RAD51B: variants seen among roughly 807,000 people sequenced by gnomAD.
RAD51B encodes the protein DNA repair protein RAD51 homolog 2.
RAD51B carries 38 observed loss-of-function variants against 42.2 expected under a neutral mutation model. The observed-to-expected ratio is 0.90, with a 90% CI of 0.70 to 1.18. The LOEUF is 1.18. Among genes scored for constraint, RAD51B ranks in the 50% most tolerant of loss-of-function variants. RAD51B has a pLI of 0.00. For missense variants in RAD51B, 373 were observed against 400.7 expected, an observed-to-expected ratio of 0.93 and a Z score of 0.59; for synonymous variants, 154 against 145.2, an observed-to-expected ratio of 1.06 and a Z score of -0.43.
intron 10 of RAD51B, among the ~76,000 whole-genome samples, chr14:68,503,683 C>A (rs1447915122): frequency 6.6e-6 from 1 of 152,192 alleles, no homozygotes; most frequent in Non-Finnish European, 1.5e-5. Context: ...TGTTTCAGCC[C>A]TGCCCTGCCT....
In RAD51B at chr14:68,129,190, C is replaced by A. The variant is rs577630812; in HGVS notation, c.757-162694C>A. 9.7e-4 allele frequency among the ~76,000 whole-genome samples: 148 copies of A among 152,254 alleles called. 1 individual carries two copies. The highest frequency in any genetic ancestry group is 3.5e-3 in the African/African-American group (146 of 41,536). On this transcript the variant is annotated intron_variant, in intron 7 of 10. Coordinates refer to ENST00000471583, the MANE Select transcript of RAD51B (RefSeq NM_133510.4). Reference sequence around the variant, plus strand: ...TCCATAGTAGAGCCTAAACTAGAACCTAGGTCTCTTGGCTGCTTGTTCAAG... The same window carrying A: ...TCCATAGTAGAGCCTAAACTAGAACATAGGTCTCTTGGCTGCTTGTTCAAG...
At chr14:68,414,573 A>G (rs1359750402) in intron 9 of RAD51B, among the ~76,000 whole-genome samples, 1 of 152,140 alleles carries the variant, frequency 6.6e-6, no homozygotes, top group Non-Finnish European at 1.5e-5. Flanking sequence ...GGTCCAAACA[A>G]ACTAATACTG....
At chr14:68,483,372 A>G (rs1480069115) in intron 10 of RAD51B, among the ~76,000 whole-genome samples, 1 of 152,212 alleles carries the variant, frequency 6.6e-6, no homozygotes, top group Admixed American at 6.5e-5. Context: ...ACAGTTTTGC[A>G]GCCTATTTTA....
intron 8 of RAD51B, among the ~76,000 whole-genome samples, chr14:68,368,412 A>G (rs545078546): frequency 2.0e-5 from 3 of 152,266 alleles, no homozygotes; most frequent in Non-Finnish European, 4.4e-5. Context: ...AGAATATTTG[A>G]ATTCTCTTGT....
chr14:68,228,725 C>T (rs1041832910), intron 7 of RAD51B, among the ~76,000 whole-genome samples: 4 of 152,202 alleles, frequency 2.6e-5, no homozygotes, highest in East Asian at 1.9e-4. Flanking sequence ...TGTGGACACA[C>T]GTCAAATAAT....
At chr14:68,361,701 G>A (rs553151331) in intron 8 of RAD51B, among the ~76,000 whole-genome samples, 7 of 151,960 alleles carry the variant, frequency 4.6e-5, no homozygotes, top group Non-Finnish European at 8.8e-5. Context: ...TTTGAGACAG[G>A]GTCTCACTCT....
At chr14:67,983,922 G>T (rs917877510) in intron 7 of RAD51B, among the ~76,000 whole-genome samples, 1 of 151,626 alleles carries the variant, frequency 6.6e-6, no homozygotes, top group Non-Finnish European at 1.5e-5. Flanking sequence ...AATCAGACAG[G>T]GCTGGTTTTT....
chr14:68,510,952 G>A (rs1427955052), intron 10 of RAD51B, among the ~76,000 whole-genome samples: 2 of 152,188 alleles, frequency 1.3e-5, no homozygotes, highest in Admixed American at 6.5e-5. Context: ...CAAACTGGAA[G>A]GGACAGGACA....
At chr14:67,874,335 C>A (rs1015409617) in intron 5 of RAD51B, among the ~76,000 whole-genome samples, 3 of 152,172 alleles carry the variant, frequency 2.0e-5, no homozygotes, top group African/African-American at 7.2e-5. Context: ...GAACCCACAG[C>A]CCGTGGGCCG....
chr14:67,950,560 G>A (rs1034436667), intron 7 of RAD51B, among the ~76,000 whole-genome samples: 1 of 152,122 alleles, frequency 6.6e-6, no homozygotes, highest in Non-Finnish European at 1.5e-5. Context: ...CAATAAGACT[G>A]TTTTGCTTTG....
At chr14:68,639,158 G>A (rs1421488570) in intron 10 of RAD51B, among the ~76,000 whole-genome samples, 2 of 152,298 alleles carry the variant, frequency 1.3e-5, no homozygotes, top group Non-Finnish European at 1.5e-5. Flanking sequence ...TAGGTAAGGC[G>A]ATGCTAGCTG....
intron 7 of RAD51B, among the ~76,000 whole-genome samples, chr14:67,937,402 CT>C (rs2044994665): frequency 6.6e-6 from 1 of 152,158 alleles, no homozygotes; most frequent in African/African-American, 2.4e-5. Flanking sequence ...AGAGATATAG[CT>C]AGAAATAAAA....
At chr14:68,599,231 G>A (rs568662971), downstream of RAD51B, among the ~76,000 whole-genome samples, 1 of 152,328 alleles carries the variant, frequency 6.6e-6, no homozygotes, top group Admixed American at 6.5e-5. Context: ...AGGCTGAGGA[G>A]GAGGGAAAGG....
At chr14:68,542,618 C>T (rs1311639385) in intron 10 of RAD51B, among the ~76,000 whole-genome samples, 1 of 152,186 alleles carries the variant, frequency 6.6e-6, no homozygotes, top group Admixed American at 6.5e-5. Context: ...CAATTCATGA[C>T]ACATAACAAT....
At chr14:67,912,494 A>T (rs1376942426) in intron 7 of RAD51B, among the ~76,000 whole-genome samples, 1 of 152,184 alleles carries the variant, frequency 6.6e-6, no homozygotes, top group African/African-American at 2.4e-5. Context: ...TGGTGCTCCC[A>T]AAACTCATTC....
At chr14:68,498,572 G>C (rs1884707497) in intron 10 of RAD51B, among the ~76,000 whole-genome samples, 1 of 152,142 alleles carries the variant, frequency 6.6e-6, no homozygotes, top group Non-Finnish European at 1.5e-5. Context: ...CTCTACACAT[G>C]CTACTTGTCA....
At chr14:68,418,420 T>C (rs143348733) in intron 9 of RAD51B, among the ~76,000 whole-genome samples, 51 of 152,316 alleles carry the variant, frequency 3.3e-4, no homozygotes, top group African/African-American at 1.0e-3. Flanking sequence ...CACTAGCATT[T>C]TATCACCTCT....
intron 7 of RAD51B, among the ~76,000 whole-genome samples, chr14:68,000,877 C>G (rs1216794694): frequency 3.3e-5 from 5 of 152,150 alleles, no homozygotes; most frequent in Non-Finnish European, 7.3e-5. Flanking sequence ...CTCTGCCTCT[C>G]TGTGATAAGT....
chr14:68,171,068 G>A (rs1365037640), intron 7 of RAD51B, among the ~76,000 whole-genome samples: 1 of 152,194 alleles, frequency 6.6e-6, no homozygotes, highest in Non-Finnish European at 1.5e-5. Context: ...AGTGGCCAAA[G>A]TCTTGATTTT....
Sources: allele counts gnomAD v4.1 joint callset (sites outside exome capture counted in the v4.1 genomes callset), GRCh38; gene constraint gnomAD v4.1.1; transcripts MANE v1.5; gene names NCBI Gene and HGNC (gene_info 2026-07-23, HGNC 2026-07-21).